The following SLFN13 variants were observed in gnomAD, a reference collection of about 807,000 sequenced individuals.
SLFN13 encodes the protein schlafen family member 13.
Under a neutral mutation model 50.6 loss-of-function variants are expected in SLFN13, and 43 were observed. The observed-to-expected ratio is 0.85, with a 90% CI of 0.67 to 1.09. The LOEUF (loss-of-function observed/expected upper bound fraction) is 1.09, where lower values mean the gene tolerates loss of function less well. Ranked by LOEUF, SLFN13 falls within the 50% of genes least tolerant of loss-of-function variation. SLFN13 has a pLI of 0.00. For missense variants in SLFN13, 881 were observed against 1,071.1 expected, an observed-to-expected ratio of 0.82 and a Z score of 2.48; for synonymous variants, 339 against 386.5, an observed-to-expected ratio of 0.88 and a Z score of 1.44.
intron 3 of SLFN13, among the ~76,000 whole-genome samples, 193 bp from the exon 4 acceptor site, chr17:35,444,113 G>T (rs898619737): frequency 6.6e-6 from 1 of 152,092 alleles, no homozygotes; most frequent in African/African-American, 2.4e-5. Context: ...TCTGATCCTT[G>T]AATGGTGTTT....
In SLFN13 at chr17:35,442,019, C is replaced by A. The variant is rs62078111; in HGVS notation, c.1466G>T (p.Arg489Leu). 0.08 allele frequency: 99,673 copies of A among 1,245,578 alleles called. 234 individuals carry two copies. The highest frequency in any genetic ancestry group is 0.26 in the East Asian group (8,054 of 30,902). 77.2% of individuals were successfully genotyped at this position (1,245,578 alleles called of 1,614,324 possible). ...QDAEGQDYCT[R>L]TAFTLKQKLV... ...CTTCTGCTTCAAAGTAAAGGCGGTG[C>A]GAGTGCAGTAGTCCTGGCCCTCTGC... Residue 489 changes from arginine to leucine, a missense_variant, in exon 5 of 6, where the codon CGC (arginine) becomes CTC (leucine). By Grantham distance (102) the Arg-to-Leu change is moderately radical. Around this residue, in one of 5 missense-constraint regions of SLFN13, gnomAD observed 22 missense variants for 132.0 expected, o/e 0.17. Transcript: ENST00000285013.
intron 5 of SLFN13, 67 bp from the exon 6 acceptor site, chr17:35,441,433 A>G: frequency 6.4e-7 from 1 of 1,573,828 alleles, no homozygotes; most frequent in Non-Finnish European, 8.6e-7. Context: ...TGATTGTATC[A>G]TGTTCCTCCG....
intron 2 of SLFN13, chr17:35,447,038 T>C (rs1286595310): frequency 6.6e-6 from 1 of 152,206 alleles, no homozygotes; most frequent in Non-Finnish European, 1.5e-5. Flanking sequence ...AGTTTTTCAT[T>C]GGTAACTGTA....
rs1254629348 is a variant in SLFN13, at chr17:35,438,774, T to A, written c.*1821A>T. 3 of 152,152 alleles carry A rather than the reference T, an allele frequency of 2.0e-5. No homozygotes were observed. The highest frequency in any genetic ancestry group is 4.4e-5 in the Non-Finnish European group (3 of 68,036). 9.4% of individuals were successfully genotyped at this position (152,152 alleles called of 1,614,324 possible). A position where few individuals can be genotyped will look rare whatever the true frequency, so the allele number is the denominator to read the frequency against. ...TCAGCCAAATAGGATTACTTATAAA[T>A]GGAATATTGGGCATGTGGTTTCTTA... On this transcript the variant is annotated 3_prime_UTR_variant, in exon 6 of 6. Transcript: ENST00000285013.
chr17:35,447,045 T>C (rs975141898), intron 2 of SLFN13: 1 of 152,226 alleles, frequency 6.6e-6, no homozygotes, highest in Non-Finnish European at 1.5e-5. Flanking sequence ...CATTGGTAAC[T>C]GTATTCAAAT....
chr17:35,440,901 G>T lies in SLFN13; in HGVS notation c.2388C>A (p.Cys796Ter). The T allele has an allele frequency of 6.2e-7, 1 of 1,614,072 alleles. No homozygotes were observed. Among genetic ancestry groups the T allele is most frequent in the Non-Finnish European group, 8.5e-7 (1 of 1,180,022 alleles). ...AATAGCCCCTTTCAAAGAAGCACCT[G>T]CAGGTGTCTGCCACATAGGTCACTA... The part of the protein sequence containing the change: ...EQIVTYVADT[C>*]RCFFERGYSP... The change falls in exon 6 of 6, where the codon TGC becomes TGA. Residue 796 changes from cysteine (C) to a stop codon, truncating the protein, a stop_gained. Transcript: ENST00000285013. LOFTEE classifies it low-confidence loss of function (END_TRUNC).
Position 35,445,354 on chromosome 17 carries a change from A to T in SLFN13, c.327T>A (p.Val109=). 1 of 1,613,860 alleles carries T rather than the reference A, an allele frequency of 6.2e-7. No homozygotes were observed. The highest frequency in any genetic ancestry group is 1.1e-5 in the South Asian group (1 of 91,054). ...GGAAAGGATCACCACTCCAAGATTT[A>T]ACAAAAATATAAAAACACCTTCCGT... is the stretch of plus-strand genomic sequence containing the variant. ...KQHGRCFYIF[V]KSWSGDPFLK... Residue 109 remains valine, a synonymous_variant, in exon 3 of 6, where the codon GTT becomes GTA. Transcript: ENST00000285013.
chr17:35,442,500 G>A (rs1597804935), intron 4 of SLFN13, among the ~76,000 whole-genome samples: 2 of 152,350 alleles, frequency 1.3e-5, no homozygotes, highest in East Asian at 1.9e-4. Flanking sequence ...CTGGAGTGCA[G>A]TGGCCCGATC....
rs765461825 is a variant in SLFN13, at chr17:35,445,119, G to C, written c.562C>G (p.Pro188Ala). ...TCAGTTTGGAAAACTTCATATGCAG[G>C]ATTTGACTCAGATATGTTCTGGTAT... ...AVYQNISESNPAYEVFQTDTI... is the reference protein window; with the variant it reads ...AVYQNISESNAAYEVFQTDTI... Residue 188 changes from proline to alanine, a missense_variant, in exon 3 of 6, where the codon CCT becomes GCT. Physicochemically the swap from Pro to Ala is conservative, Grantham distance 27. Around this residue, in one of 5 missense-constraint regions of SLFN13, gnomAD observed 497 missense variants for 518.3 expected, o/e 0.96. Coordinates refer to ENST00000285013, the MANE Select transcript of SLFN13 (RefSeq NM_144682.6). 1 of 1,613,426 alleles carries C rather than the reference G, an allele frequency of 6.2e-7. No homozygotes were observed. The highest frequency in any genetic ancestry group is 1.1e-5 in the South Asian group (1 of 91,074).
chr17:35,444,041 T>A, intron 3 of SLFN13, 121 bp from the exon 4 acceptor site: 1 of 919,302 alleles, frequency 1.1e-6, no homozygotes, highest in African/African-American at 1.7e-5. Context: ...CAAAGTCAGA[T>A]GCTTTACCCT....
At chr17:35,449,731 C>A (rs1913403689), upstream of SLFN13, among the ~76,000 whole-genome samples, 1 of 152,290 alleles carries the variant, frequency 6.6e-6, no homozygotes, top group Non-Finnish European at 1.5e-5. Context: ...AAAAGCAGAA[C>A]CCTGGCTGGT....
intron 1 of SLFN13, chr17:35,448,426 CCTT>C (rs1287281861): frequency 1.3e-5 from 2 of 152,140 alleles, no homozygotes; most frequent in East Asian, 3.8e-4. Flanking sequence ...CCTTCCAACC[CCTT>C]TAGCTCTCCG....
chr17:35,440,616 C>T lies in SLFN13; in HGVS notation c.2673G>A (p.Gln891=), dbSNP rs1213010341. The T allele has an allele frequency of 3.1e-6, 5 of 1,613,960 alleles. No homozygotes were observed. Among genetic ancestry groups the T allele is most frequent in the Non-Finnish European group, 4.2e-6 (5 of 1,179,988 alleles). ...CACTTCACAGAAAAATATATAGGTGCTGTTTTGCCCTGGAAGCCAGACAGA... is the reference window on the plus strand; with the variant it reads ...CACTTCACAGAAAAATATATAGGTGTTGTTTTGCCCTGGAAGCCAGACAGA... ...ILICLASRAK[Q]HLYIFL Residue 891 remains glutamine, a synonymous_variant, in exon 6 of 6, where the codon CAG becomes CAA. Coordinates refer to ENST00000285013, the MANE Select transcript of SLFN13 (RefSeq NM_144682.6).
chr17:35,443,743 T>A (rs1357923067), intron 4 of SLFN13, 46 bp downstream of exon 4: 3 of 1,585,568 alleles, frequency 1.9e-6, no homozygotes, highest in East Asian at 4.5e-5. Context: ...ACGAAATGTA[T>A]TAAATGACTT....
rs751779425 is a variant in SLFN13, at chr17:35,445,262, G to A, written c.419C>T (p.Thr140Ile). Residue 140 changes from threonine to isoleucine, a missense_variant, in exon 3 of 6, where the codon ACC becomes ATC. By Grantham distance (89) the Thr-to-Ile change is moderately conservative. Around this residue, in one of 5 missense-constraint regions of SLFN13, gnomAD observed 497 missense variants for 518.3 expected, o/e 0.96. Coordinates refer to ENST00000285013, the MANE Select transcript of SLFN13 (RefSeq NM_144682.6). ...LSSSLYCRSGTSVLHMNSRQA... is the reference protein window; with the variant it reads ...LSSSLYCRSGISVLHMNSRQA... The stretch of plus-strand genomic sequence containing the variant: ...TCTTGAATTCATGTGAAGCACAGAG[G>A]TGCCAGATCTACAGTATAATGAAGA... 17 of 1,613,846 alleles carry A rather than the reference G, an allele frequency of 1.1e-5. No homozygotes were observed. Among genetic ancestry groups the A allele is most frequent in the Non-Finnish European group, 1.4e-5 (16 of 1,180,016 alleles).
In SLFN13 at chr17:35,442,180, G is replaced by A. The variant is rs1195245562; in HGVS notation, c.1305C>T (p.Ser435=). The A allele has an allele frequency of 1.9e-6, 3 of 1,614,028 alleles. No individual in the cohort carries two copies. Among genetic ancestry groups the A allele is most frequent in the East Asian group, 2.2e-5 (1 of 44,894 alleles). ...ELIHKQMRPF[S]QGIVILSRSW... is the part of the protein sequence containing the mutation. ...TTCTAGAGAGGATCACAATTCCCTG[G>A]GAGAAAGGTCGCATTTGCTTGTGTA... Residue 435 remains serine, a synonymous_variant, in exon 5 of 6, where the codon TCC becomes TCT. Coordinates refer to ENST00000285013, the MANE Select transcript of SLFN13 (RefSeq NM_144682.6).
chr17:35,445,547 C>T lies in SLFN13; in HGVS notation c.134G>A (p.Arg45Lys). 6.2e-7 allele frequency: 1 copy of T among 1,614,120 alleles called. No individual in the cohort carries two copies. Among genetic ancestry groups the T allele is most frequent in the East Asian group, 2.2e-5 (1 of 44,880 alleles). Reference protein sequence around the residue: ...QKTQRDQERARVIRAACALLN... With the variant: ...QKTQRDQERAKVIRAACALLN... ...TAAAGCACACGCGGCCCGTATAACT[C>T]TCGCCCTCTCTTGGTCTCTCTGAGT... Residue 45 changes from arginine (R) to lysine (K), a missense_variant, in exon 3 of 6, where the codon AGA becomes AAA. Arg to Lys is a conservative substitution (Grantham distance 26). Coordinates refer to ENST00000285013, the MANE Select transcript of SLFN13 (RefSeq NM_144682.6).
upstream of SLFN13, among the ~76,000 whole-genome samples, chr17:35,449,044 T>TACA (rs10610343): frequency 0.03 from 4,490 of 148,188 alleles, 205 homozygotes; most frequent in African/African-American, 0.1. Context: ...CCCCCGTCTG[T>TACA]ACAACAACAA....
intron 4 of SLFN13, among the ~76,000 whole-genome samples, chr17:35,443,491 G>C (rs1011597533): frequency 4.6e-5 from 7 of 152,138 alleles, no homozygotes; most frequent in African/African-American, 1.7e-4. Context: ...TGGGAAGCTT[G>C]CCCAAATGCA....
Sources: gnomAD v4.1 joint callset for allele counts (sites outside exome capture counted in the v4.1 genomes callset) on GRCh38, gnomAD v4.1.1 for gene constraint, gnomAD v4.1.1 regional missense constraint, MANE v1.5 for transcripts, NCBI Gene and HGNC (gene_info 2026-07-23, HGNC 2026-07-21) for gene names.